RUNDC3B: variants seen among roughly 807,000 people sequenced by gnomAD.
RUNDC3B encodes RUN domain containing 3B.
A neutral mutation model predicts 58.4 loss-of-function variants in RUNDC3B; 33 were observed. The observed-to-expected ratio is 0.56, with a 90% confidence interval of 0.43 to 0.75. The LOEUF (loss-of-function observed/expected upper bound fraction) is 0.75. Ranked by LOEUF, RUNDC3B falls within the 30% of genes least tolerant of loss-of-function variation. The pLI, the probability that RUNDC3B is intolerant of heterozygous loss-of-function variation, is 0.00. For missense variants in RUNDC3B, 501 were observed against 535.7 expected (o/e 0.94, Z 0.64); for synonymous variants, 193 against 195.2 (o/e 0.99, Z 0.10).
chr7:87,769,716 A>G (rs1834168263), intron 6 of RUNDC3B, among the ~76,000 whole-genome samples: 1 of 151,946 alleles, frequency 6.6e-6, no homozygotes, highest in African/African-American at 2.4e-5. Context: ...TACATGTGCC[A>G]TGGTGGTTTG....
At chr7:87,749,639 T>C (rs996515805) in intron 6 of RUNDC3B, among the ~76,000 whole-genome samples, 2 of 152,144 alleles carry the variant, frequency 1.3e-5, no homozygotes, top group African/African-American at 4.8e-5. Context: ...ACTAGATTTC[T>C]AATTTTAAGA....
At chr7:87,678,503 G>C (rs1435172473) in intron 2 of RUNDC3B, among the ~76,000 whole-genome samples, 1 of 151,910 alleles carries the variant, frequency 6.6e-6, no homozygotes, top group Admixed American at 6.6e-5. Flanking sequence ...AATTAAAATG[G>C]AACATTAAAA....
rs958603700 is a variant in RUNDC3B, at chr7:87,830,760, A to G, written c.*730A>G. On this transcript the variant is annotated 3_prime_UTR_variant, in exon 11 of 11. Transcript: ENST00000394654. ...CCAAGATTTTCTTAAAAGATTATCA[A>G]TTTAAAAGTATGATCAAGTATGCCT... 5 of 151,722 alleles carry G rather than the reference A, an allele frequency of 3.3e-5. No individual in the cohort carries two copies. Among genetic ancestry groups the G allele is most frequent in the Non-Finnish European group, 7.4e-5 (5 of 67,846 alleles). The allele number at this position is 151,722 out of a possible 1,614,324, so 9.4% of individuals were successfully genotyped here.
In RUNDC3B at chr7:87,761,394, G is replaced by T. The variant is rs906483156; in HGVS notation, c.630-9187G>T. 8.6e-5 allele frequency among the ~76,000 whole-genome samples: 13 copies of T among 152,012 alleles called. 1 individual carries two copies. Among genetic ancestry groups the T allele is most frequent in the African/African-American group, 3.1e-4 (13 of 41,526 alleles). ...GAAAATGTAAAATGATGCAGTTGCT[G>T]TGGAAATAAGTTTGATAATTTCTCT... On this transcript the variant is annotated intron_variant, in intron 6 of 10. Transcript: ENST00000394654.
chr7:87,792,482 A>T (rs1423034326), intron 8 of RUNDC3B, among the ~76,000 whole-genome samples: 1 of 152,136 alleles, frequency 6.6e-6, no homozygotes, highest in Non-Finnish European at 1.5e-5. Context: ...AAGTCTTAAA[A>T]CATTCAAAAA....
intron 2 of RUNDC3B, among the ~76,000 whole-genome samples, chr7:87,677,274 AACACACACAC>A (rs57009840): frequency 3.5e-4 from 47 of 135,876 alleles, no homozygotes; most frequent in Non-Finnish European, 6.4e-4. Context: ...CAGTGTATAT[AACACACACAC>A]ACACACACAC....
chr7:87,693,165 A>T (rs893948440), intron 2 of RUNDC3B, among the ~76,000 whole-genome samples: 6 of 152,052 alleles, frequency 3.9e-5, no homozygotes, highest in African/African-American at 1.4e-4. Flanking sequence ...CCATATTGTT[A>T]TACTAGCAAT....
intron 2 of RUNDC3B, among the ~76,000 whole-genome samples, chr7:87,698,521 A>G (rs552028118): frequency 9.2e-5 from 14 of 152,358 alleles, no homozygotes; most frequent in Admixed American, 5.2e-4. Flanking sequence ...GTAATCTATC[A>G]TGCAAACACT....
rs757473395 is a variant in RUNDC3B at position 87,831,289 on chromosome 7, GTTTT to G, written c.*1263_*1266del. 9.4e-4 allele frequency: 142 copies of G among 151,712 alleles called. No individual in the cohort carries two copies. Among genetic ancestry groups the G allele is most frequent in the Admixed American group, 1.6e-3 (24 of 15,198 alleles). The allele number at this position is 151,712 out of a possible 1,614,324, so 9.4% of individuals were successfully genotyped here. On this transcript the variant is annotated 3_prime_UTR_variant, in exon 11 of 11. Transcript: ENST00000394654. The stretch of plus-strand genomic sequence containing the variant: ...CAGTACTTACTGAGGACTTCATATG[GTTTT>G]TTTGTTTATTATTATTGAGAAAAGA...
At chr7:87,651,167 A>G (rs1249527176) in intron 2 of RUNDC3B, among the ~76,000 whole-genome samples, 1 of 152,196 alleles carries the variant, frequency 6.6e-6, no homozygotes, top group Non-Finnish European at 1.5e-5. Context: ...GAGAAAAGTG[A>G]CTTTCCATAA....
chr7:87,743,108 C>T (rs369322742), intron 6 of RUNDC3B, among the ~76,000 whole-genome samples: 6 of 147,694 alleles, frequency 4.1e-5, no homozygotes, highest in African/African-American at 1.0e-4. Context: ...AGCGAGATTC[C>T]GTCTCAAAAA....
At chr7:87,726,878 GCT>G (rs1831265354) in intron 4 of RUNDC3B, among the ~76,000 whole-genome samples, 2 of 151,976 alleles carry the variant, frequency 1.3e-5, no homozygotes, top group South Asian at 2.1e-4. Flanking sequence ...TCATGATTTG[GCT>G]CTCTGTTTGT....
At chr7:87,674,285 T>C (rs994855760) in intron 2 of RUNDC3B, among the ~76,000 whole-genome samples, 14 of 152,162 alleles carry the variant, frequency 9.2e-5, no homozygotes, top group Admixed American at 2.0e-4. Context: ...CAGGTACTTA[T>C]GCAGTTGTGG....
intron 8 of RUNDC3B, among the ~76,000 whole-genome samples, chr7:87,778,440 CAAAAAAA>C (rs34916526): frequency 1.4e-5 from 1 of 69,358 alleles, no homozygotes; most frequent in Non-Finnish European, 3.2e-5. Flanking sequence ...AAAACTCTGT[CAAAAAAA>C]AAAAAAAAAG....
chr7:87,807,584 A>G (rs2130934579), intron 9 of RUNDC3B, 65 bp downstream of exon 9: 4 of 1,199,350 alleles, frequency 3.3e-6, no homozygotes, highest in Non-Finnish European at 4.9e-6. Context: ...ATGGCTATCT[A>G]CTTTGGTTTC....
At chr7:87,819,257 A>G (rs1282344206) in intron 10 of RUNDC3B, among the ~76,000 whole-genome samples, 1 of 152,182 alleles carries the variant, frequency 6.6e-6, no homozygotes, top group Non-Finnish European at 1.5e-5. Flanking sequence ...AAGGTACTTA[A>G]GCACCCAGGG....
intron 10 of RUNDC3B, among the ~76,000 whole-genome samples, chr7:87,822,979 G>T (rs554555790): frequency 1.3e-5 from 2 of 151,976 alleles, no homozygotes; most frequent in South Asian, 4.2e-4. Context: ...CATGGCACAT[G>T]TATACATATG....
Position 87,679,283 on chromosome 7 carries a change from C to T in RUNDC3B, c.239-21138C>T, listed in dbSNP as rs771358097. 8.2e-4 allele frequency among the ~76,000 whole-genome samples: 122 copies of T among 149,288 alleles called. 7 individuals are homozygous for T. The highest frequency in any genetic ancestry group is 2.8e-3 in the African/African-American group (114 of 40,066). On this transcript the variant is annotated intron_variant, in intron 2 of 10. Transcript: ENST00000394654. ...AATTTTTTTGTATTTTTAGTAGAGA[C>T]GGAGTTTCACAGTGTTAGCCAGGAT... is the stretch of plus-strand genomic sequence containing the variant.
intron 2 of RUNDC3B, among the ~76,000 whole-genome samples, chr7:87,675,013 A>C (rs1360966636): frequency 1.3e-5 from 2 of 152,202 alleles, no homozygotes; most frequent in African/African-American, 4.8e-5. Context: ...CTTTTCAGGC[A>C]TCTCTCCCTG....
Sources: allele counts gnomAD v4.1 joint callset (sites outside exome capture counted in the v4.1 genomes callset), GRCh38; gene constraint gnomAD v4.1.1; transcripts MANE v1.5; gene names NCBI Gene and HGNC (gene_info 2026-07-23, HGNC 2026-07-21).